Variants in RCOR1 observed in about 807,000 individuals in gnomAD.
RCOR1 encodes the protein REST corepressor 1.
In RCOR1, 12 loss-of-function variants were observed where a neutral mutation model predicts 64.0. That is an observed-to-expected ratio of 0.19 (90% CI 0.12 to 0.30). RCOR1 has a LOEUF of 0.30. RCOR1 is among the 10% of genes least tolerant of loss of function. RCOR1 has a pLI of 1.00. For missense variants in RCOR1, 502 were observed against 621.2 expected (o/e 0.81, Z 2.04); for synonymous variants, 279 against 227.2 (o/e 1.23, Z -2.05).
intron 2 of RCOR1, among the ~76,000 whole-genome samples, chr14:102,623,518 C>T (rs950156392): frequency 4.0e-5 from 6 of 151,638 alleles, no homozygotes; most frequent in South Asian, 2.1e-4. Context: ...ACGCCATTCT[C>T]CTGCCTCAGC....
chr14:102,655,366 T>C (rs951939195), intron 2 of RCOR1: 1 of 985,380 alleles, frequency 1.0e-6, no homozygotes, highest in Non-Finnish European at 1.2e-6. Flanking sequence ...GCTGAATGAC[T>C]CATGGGCATT....
intron 3 of RCOR1, among the ~76,000 whole-genome samples, chr14:102,691,940 TGA>T (rs1196371161): frequency 6.6e-6 from 1 of 152,234 alleles, no homozygotes; most frequent in East Asian, 1.9e-4. Flanking sequence ...TGCTAAGTTC[TGA>T]GAGATCAGTG....
rs1006563823 is a variant in RCOR1 at position 102,726,631 on chromosome 14, A to G, written c.*125A>G. ...ACAAGCAGCTATTACCAAAAAAGGC[A>G]TATACTTCCAGTCCTGTGCTCCATC... On this transcript the variant is annotated 3_prime_UTR_variant, in exon 12 of 12. Coordinates refer to ENST00000262241, the MANE Select transcript of RCOR1 (RefSeq NM_015156.4). 1.1e-4 allele frequency: 88 copies of G among 786,128 alleles called. No individual in the cohort carries two copies. The highest frequency in any genetic ancestry group is 9.4e-4 in the Middle Eastern group (4 of 4,250). 48.7% of individuals were successfully genotyped at this position (786,128 alleles called of 1,614,324 possible).
intron 4 of RCOR1, among the ~76,000 whole-genome samples, chr14:102,705,477 C>A (rs1033651173): frequency 1.3e-5 from 2 of 152,160 alleles, no homozygotes; most frequent in African/African-American, 4.8e-5. Context: ...CAAGGTCTTG[C>A]TCTGTCATCC....
In RCOR1 at chr14:102,625,231, C is replaced by CTTTTTTT. The variant is rs61403856; in HGVS notation, c.361+31924_361+31930dup. On this transcript the variant is annotated intron_variant, in intron 2 of 11. Coordinates refer to ENST00000262241, the MANE Select transcript of RCOR1 (RefSeq NM_015156.4). The stretch of plus-strand genomic sequence containing the variant: ...CTTGCATTCCAGGTCTATCTTGTTA[C>CTTTTTTT]TTTTTTTTTTTTTTTTTTTTTTTTG... Among the ~76,000 whole-genome samples, 29 of 79,180 alleles carry CTTTTTTT rather than the reference C, an allele frequency of 3.7e-4. 1 individual carries two copies. Among genetic ancestry groups the CTTTTTTT allele is most frequent in the East Asian group, 1.5e-3 (4 of 2,644 alleles). The allele number at this position is 79,180 out of a possible 152,430, so 51.9% of individuals were successfully genotyped here.
At chr14:102,701,007 A>T (rs1014432990) in intron 3 of RCOR1, among the ~76,000 whole-genome samples, 7 of 151,884 alleles carry the variant, frequency 4.6e-5, no homozygotes, top group African/African-American at 1.7e-4. Flanking sequence ...GTGCAGGGAA[A>T]CTCCCCTTTT....
At chr14:102,675,110 T>C (rs1895116054) in intron 2 of RCOR1, among the ~76,000 whole-genome samples, 1 of 151,466 alleles carries the variant, frequency 6.6e-6, no homozygotes, top group Non-Finnish European at 1.5e-5. Flanking sequence ...TGTTGGCACC[T>C]TCAGCAAATA....
chr14:102,682,054 C>T lies in RCOR1; in HGVS notation c.445+76C>T. The T allele has an allele frequency of 3.7e-6, 3 of 804,318 alleles. No individual in the cohort carries two copies. The South Asian group carries it at 5.3e-5, about 14-fold the overall frequency. 49.8% of individuals were successfully genotyped at this position (804,318 alleles called of 1,614,324 possible). On this transcript the variant is annotated intron_variant, in intron 3 of 11. Coordinates refer to ENST00000262241, the MANE Select transcript of RCOR1 (RefSeq NM_015156.4). The stretch of plus-strand genomic sequence containing the variant: ...TTAAAGGTACCTTTGAAGGTAAAAG[C>T]TTCTATATGTATTAAATTTCTTTTC...
chr14:102,726,956 GTTTC>G lies in RCOR1; in HGVS notation c.*454_*457del, dbSNP rs934897761. 10 of 161,178 alleles carry G rather than the reference GTTTC, an allele frequency of 6.2e-5. No individual in the cohort carries two copies. The highest frequency in any genetic ancestry group is 6.5e-5 in the Admixed American group (1 of 15,486). 10.0% of individuals were successfully genotyped at this position (161,178 alleles called of 1,614,324 possible). On this transcript the variant is annotated 3_prime_UTR_variant, in exon 12 of 12. Transcript: ENST00000262241. ...CGCGACCCTGTTGGCCTTCTAGAAA[GTTTC>G]TTTTGTTCTTTTCTGAGACAACCAC...
At chr14:102,693,616 A>G (rs1858526099) in intron 3 of RCOR1, among the ~76,000 whole-genome samples, 1 of 151,308 alleles carries the variant, frequency 6.6e-6, no homozygotes, top group South Asian at 2.1e-4. Flanking sequence ...TCAGTCTCAC[A>G]ATGGGGTTTA....
At chr14:102,617,743 C>G (rs956207826) in intron 2 of RCOR1, among the ~76,000 whole-genome samples, 1 of 151,792 alleles carries the variant, frequency 6.6e-6, no homozygotes, top group Non-Finnish European at 1.5e-5. Context: ...GTGCCTGCCA[C>G]CATACCTGGC....
intron 2 of RCOR1, among the ~76,000 whole-genome samples, chr14:102,634,135 G>T (rs531632223): frequency 1.3e-5 from 2 of 152,052 alleles, no homozygotes; most frequent in African/African-American, 4.8e-5. Flanking sequence ...TCTCTGTCTT[G>T]CCCAGGGTTG....
chr14:102,687,118 T>C (rs1324731912), intron 3 of RCOR1, among the ~76,000 whole-genome samples: 2 of 152,240 alleles, frequency 1.3e-5, no homozygotes, highest in Non-Finnish European at 2.9e-5. Context: ...ATTTACGTTT[T>C]ATATTGAACA....
In RCOR1 at chr14:102,730,157, G is replaced by A. The variant is rs576634405; in HGVS notation, c.*3651G>A. 1.1e-4 allele frequency: 43 copies of A among 397,674 alleles called. No individual in the cohort carries two copies. The highest frequency in any genetic ancestry group is 1.7e-4 in the Non-Finnish European group (38 of 225,734). The allele number at this position is 397,674 out of a possible 1,614,324, so 24.6% of individuals were successfully genotyped here. On this transcript the variant is annotated 3_prime_UTR_variant, in exon 12 of 12. Transcript: ENST00000262241. ...CTTCTCCTAAAACGAAATTTATACC[G>A]GGGTGGATAGTATTCCATTAGGTAG...
At chr14:102,621,654 G>A (rs1893875966) in intron 2 of RCOR1, among the ~76,000 whole-genome samples, 1 of 152,052 alleles carries the variant, frequency 6.6e-6, no homozygotes, top group Non-Finnish European at 1.5e-5. Context: ...AACAAGGGTA[G>A]GGCTCTTTGT....
At chr14:102,711,806 C>G (rs1190167898) in intron 7 of RCOR1, among the ~76,000 whole-genome samples, 1 of 152,090 alleles carries the variant, frequency 6.6e-6, no homozygotes, top group Non-Finnish European at 1.5e-5. Context: ...GGAAATACAG[C>G]TAACTGAAAG....
At chr14:102,638,658 T>G (rs929944007) in intron 2 of RCOR1, among the ~76,000 whole-genome samples, 7 of 151,860 alleles carry the variant, frequency 4.6e-5, no homozygotes, top group Non-Finnish European at 1.0e-4. Flanking sequence ...TAGTAGTGTT[T>G]TTTTTTCTTT....
intron 2 of RCOR1, among the ~76,000 whole-genome samples, chr14:102,611,767 A>G (rs1259930512): frequency 6.6e-6 from 1 of 152,126 alleles, no homozygotes; most frequent in African/African-American, 2.4e-5. Context: ...TCTGGCTGTG[A>G]GGAACTGGCA....
At chr14:102,692,421 A>G (rs1316657718) in intron 3 of RCOR1, among the ~76,000 whole-genome samples, 1 of 149,358 alleles carries the variant, frequency 6.7e-6, no homozygotes, top group Non-Finnish European at 1.5e-5. Flanking sequence ...GCTGCTCTCA[A>G]GTAGTTCAGG....
Sources: gnomAD v4.1 joint callset for allele counts (sites outside exome capture counted in the v4.1 genomes callset) on GRCh38, gnomAD v4.1.1 for gene constraint, MANE v1.5 for transcripts, NCBI Gene and HGNC (gene_info 2026-07-23, HGNC 2026-07-21) for gene names.